The following MAP3K12 variants were observed in gnomAD, a reference collection of about 807,000 sequenced individuals.
MAP3K12 encodes the protein mitogen-activated protein kinase kinase kinase 12.
In MAP3K12, 14 loss-of-function variants were observed where a neutral mutation model predicts 87.5. That is an observed-to-expected ratio of 0.16 (90% CI 0.11 to 0.25). The LOEUF (loss-of-function observed/expected upper bound fraction) is 0.25, where lower values mean the gene tolerates loss of function less well. MAP3K12 is among the 10% of genes least tolerant of loss of function. The pLI, the probability that MAP3K12 is intolerant of heterozygous loss-of-function variation, is 1.00. For synonymous variants in MAP3K12, 469 were observed against 452.5 expected, an observed-to-expected ratio of 1.04 and a Z score of -0.46; for missense variants, 802 against 1,140.4, an observed-to-expected ratio of 0.70 and a Z score of 4.27.
intron 1 of MAP3K12, among the ~76,000 whole-genome samples, chr12:53,498,354 A>G (rs1429631491): frequency 7.2e-5 from 11 of 152,106 alleles, no homozygotes; most frequent in Non-Finnish European, 1.2e-4. Context: ...TGCAAGGGAA[A>G]TGTGTTTAGA....
At chr12:53,484,935 C>G in intron 6 of MAP3K12, 121 bp downstream of exon 6, 5 of 1,294,660 alleles carry the variant, frequency 3.9e-6, no homozygotes, top group Non-Finnish European at 5.4e-6. Flanking sequence ...GAGCCTGATT[C>G]AGATGAAAGT....
chr12:53,486,907 A>G lies in MAP3K12; in HGVS notation c.445+40T>C. 2.5e-6 allele frequency: 4 copies of G among 1,604,608 alleles called. No individual in the cohort carries two copies. The highest frequency in any genetic ancestry group is 3.4e-6 in the Non-Finnish European group (4 of 1,173,336). ...GAGCTGACCAACAGATCTCGGGCTC[A>G]GGGAAACAGAGAGGAGGCTCCCACA... On this transcript the variant is annotated intron_variant, in intron 2 of 13. Transcript: ENST00000547488. The surrounding 1 kb of genome is among the most constrained non-coding windows in gnomAD (Gnocchi z 4.9).
rs760073228 is a variant in MAP3K12, at chr12:53,482,958, C to T, written c.1845G>A (p.Gly615=). 1.3e-6 allele frequency: 2 copies of T among 1,595,390 alleles called. No individual in the cohort carries two copies. The highest frequency in any genetic ancestry group is 8.5e-7 in the Non-Finnish European group (1 of 1,172,674). ...GGCAGGCCTCCCAGGCTGAGGGTCC[C>T]CCTCCTAGGCCCCCTGGGCTTCCTG... is the stretch of plus-strand genomic sequence containing the variant. The part of the protein sequence containing the change: ...GGPGSPGGLG[G]GPSAWEACPP... Residue 615 remains glycine (G), a synonymous_variant, in exon 11 of 14, where the codon GGG becomes GGA. Coordinates refer to ENST00000547488, the MANE Select transcript of MAP3K12 (RefSeq NM_001193511.2).
intron 13 of MAP3K12, chr12:53,481,495 A>G (rs1943043261): frequency 1.6e-5 from 5 of 311,050 alleles, no homozygotes; most frequent in Non-Finnish European, 3.0e-5. Context: ...GACTACAGGC[A>G]TGCACCACCA....
intron 1 of MAP3K12, among the ~76,000 whole-genome samples, chr12:53,498,259 T>C (rs572916509): frequency 4.2e-4 from 64 of 152,324 alleles, no homozygotes; most frequent in African/African-American, 1.5e-3. Context: ...CTATCCTTCC[T>C]AAATCCTTTC....
intron 5 of MAP3K12, 40 bp from the exon 6 acceptor site, chr12:53,485,254 A>G: frequency 1.2e-6 from 2 of 1,601,652 alleles, no homozygotes; most frequent in Non-Finnish European, 1.7e-6. Flanking sequence ...AAGCCCTAGA[A>G]GTTGCCCACA....
Position 53,486,042 on chromosome 12 carries a change from G to A in MAP3K12, c.821+14C>T. ...CCTGCATGCACATCTGTTGCTCCCTGCTTGCTTACTCACTTGGGTGACTTG... is the reference window on the plus strand; with the variant it reads ...CCTGCATGCACATCTGTTGCTCCCTACTTGCTTACTCACTTGGGTGACTTG... On this transcript the variant is annotated intron_variant, in intron 4 of 13. Transcript: ENST00000547488. This position sits in a 1 kb window ranked among gnomAD's most constrained non-coding sequence, Gnocchi z 4.9. 3 of 1,590,612 alleles carry A rather than the reference G, an allele frequency of 1.9e-6. No homozygotes were observed. The highest frequency in any genetic ancestry group is 2.6e-6 in the Non-Finnish European group (3 of 1,166,872).
rs945996443 is a variant in MAP3K12, at chr12:53,484,665, T to G, written c.1140-300A>C. The G allele has an allele frequency of 1.3e-5, 6 of 453,652 alleles. No individual in the cohort carries two copies. In the Admixed American group the frequency reaches 2.0e-4, roughly 15 times the overall value. 28.1% of individuals were successfully genotyped at this position (453,652 alleles called of 1,614,324 possible). The stretch of plus-strand genomic sequence containing the variant: ...TTTTGGGAAATGCTCAGTGACAGAT[T>G]AGCAATCGTCAAACTTCCCTGGGTC... On this transcript the variant is annotated intron_variant, in intron 6 of 13. Transcript: ENST00000547488.
Position 53,482,432 on chromosome 12 carries a change from G to C in MAP3K12, c.2239-63C>G. ...GTGGAAAGAGGTCACTAAGAATCCA[G>C]GAGAAGGGAACATAGTTACGAAGGG... On this transcript the variant is annotated intron_variant, in intron 11 of 13. Transcript: ENST00000547488. 19 of 1,607,580 alleles carry C rather than the reference G, an allele frequency of 1.2e-5. 2 individuals are homozygous for C. The South Asian group carries it at 2.1e-4, about 18-fold the overall frequency.
intron 7 of MAP3K12, 63 bp from the exon 8 acceptor site, chr12:53,484,083 G>A: frequency 3.9e-6 from 6 of 1,533,680 alleles, no homozygotes; most frequent in Non-Finnish European, 5.4e-6. Flanking sequence ...GGCTCTGCAG[G>A]TTGCCCACAC....
intron 1 of MAP3K12, chr12:53,492,979 G>C (rs1943453338): frequency 3.3e-5 from 5 of 152,384 alleles, no homozygotes; most frequent in Admixed American, 2.6e-4. Context: ...GGGGAGGAAG[G>C]GGTTACGGCC....
Position 53,481,201 on chromosome 12 carries a change from G to GA in MAP3K12, c.2659_2660insT (p.Pro887LeufsTer16). On this transcript the variant is annotated frameshift_variant, in exon 14 of 14. Transcript: ENST00000547488. LOFTEE classifies it high-confidence loss of function. Reference sequence around the variant, plus strand: ...TGGCTTTCATGGAGGGAGGGAAGCTGGGGGCCGCAAGGCATCAACGCTGTT... The same window carrying GA: ...TGGCTTTCATGGAGGGAGGGAAGCTGAGGGGCCGCAAGGCATCAACGCTGTT... 1 of 1,524,880 alleles carries GA rather than the reference G, an allele frequency of 6.6e-7. No individual in the cohort carries two copies. The highest frequency in any genetic ancestry group is 8.8e-7 in the Non-Finnish European group (1 of 1,132,730). The allele number at this position is 1,524,880 out of a possible 1,614,324, so 94.5% of individuals were successfully genotyped here.
At chr12:53,492,577 C>T (rs1339168386) in intron 1 of MAP3K12, among the ~76,000 whole-genome samples, 2 of 152,162 alleles carry the variant, frequency 1.3e-5, no homozygotes. Context: ...AAGCACAAAT[C>T]ACACTAAAGT....
In MAP3K12 at chr12:53,482,113, C is replaced by G. The variant is rs780059963; in HGVS notation, c.2408G>C (p.Ser803Thr). ...GGTGCTGCCAACTTCAGGTGTGCCA[C>G]TGGGGGAAGGTTCACTAGCTGTGCC... Reference protein sequence around the residue: ...EEGTASEPSPSGTPEVGSTNT... With the variant: ...EEGTASEPSPTGTPEVGSTNT... The change falls in exon 13 of 14, where the codon AGT becomes ACT. Residue 803 changes from serine to threonine, a missense_variant. Ser to Thr is a moderately conservative substitution (Grantham distance 58, BLOSUM62 1). Around this residue, in one of 5 missense-constraint regions of MAP3K12, gnomAD observed 490 missense variants for 496.6 expected, o/e 0.99. Coordinates refer to ENST00000547488, the MANE Select transcript of MAP3K12 (RefSeq NM_001193511.2). The G allele has an allele frequency of 1.2e-6, 2 of 1,614,096 alleles. No homozygotes were observed. The highest frequency in any genetic ancestry group is 2.2e-5 in the East Asian group (1 of 44,894).
intron 1 of MAP3K12, among the ~76,000 whole-genome samples, chr12:53,491,287 C>CAAA (rs780256956): frequency 5.7e-5 from 3 of 52,864 alleles, no homozygotes; most frequent in East Asian, 9.6e-4. Context: ...GACTCTGTCT[C>CAAA]AAAAAAAAAA....
At chr12:53,496,077 A>G (rs114679925) in intron 1 of MAP3K12, among the ~76,000 whole-genome samples, 1,662 of 152,238 alleles carry the variant, frequency 0.011, 19 homozygotes, top group African/African-American at 0.038. Flanking sequence ...AAGTAGGGTG[A>G]TAGAGGGGGT....
Position 53,487,113 on chromosome 12 carries a change from TCCCCCTGGG to T in MAP3K12, c.270_278del (p.Pro91_Gly93del). The T allele has an allele frequency of 6.2e-7, 1 of 1,613,438 alleles. No homozygotes were observed. The highest frequency in any genetic ancestry group is 8.5e-7 in the Non-Finnish European group (1 of 1,179,890). On this transcript the variant is annotated inframe_deletion, in exon 2 of 14. Coordinates refer to ENST00000547488, the MANE Select transcript of MAP3K12 (RefSeq NM_001193511.2). ...CCCGACTCTCAGGTGACCCAGCTGC[TCCCCCTGGG>T]CCCCCTGCATCCTGCTCATGTAGCT...
rs1943226558 is a variant in MAP3K12, at chr12:53,486,296, C to T, written c.630-49G>A. The T allele has an allele frequency of 3.2e-6, 5 of 1,559,502 alleles. No homozygotes were observed. The highest frequency in any genetic ancestry group is 4.3e-6 in the Non-Finnish European group (5 of 1,150,030). ...AGGCCTCAGCTGGCTCAGCATTCACCTGATTCATACCTGGAACCCCCATTC... is the reference window on the plus strand; with the variant it reads ...AGGCCTCAGCTGGCTCAGCATTCACTTGATTCATACCTGGAACCCCCATTC... On this transcript the variant is annotated intron_variant, in intron 3 of 13. Transcript: ENST00000547488. This position sits in a 1 kb window ranked among gnomAD's most constrained non-coding sequence, Gnocchi z 4.9.
At chr12:53,496,438 C>T (rs1372065357) in intron 1 of MAP3K12, among the ~76,000 whole-genome samples, 2 of 152,162 alleles carry the variant, frequency 1.3e-5, no homozygotes, top group African/African-American at 2.4e-5. Flanking sequence ...CCTTTGATCA[C>T]GTGGCCCTGG....
Sources: gnomAD v4.1 joint callset for allele counts (sites outside exome capture counted in the v4.1 genomes callset) on GRCh38, gnomAD v4.1.1 for gene constraint, gnomAD v4.1.1 regional missense constraint, Gnocchi (gnomAD v3.1) non-coding constraint, MANE v1.5 for transcripts, NCBI Gene and HGNC (gene_info 2026-07-23, HGNC 2026-07-21) for gene names.